Variants in EYS observed in about 807,000 individuals in gnomAD.
EYS encodes EGF-like photoreceptor maintenance factor, also known as protein eyes shut homolog.
Under a neutral mutation model 282.1 loss-of-function variants are expected in EYS, and 250 were observed. The observed-to-expected ratio is 0.89, with a 90% CI of 0.80 to 0.98. The LOEUF (loss-of-function observed/expected upper bound fraction) is 0.98. EYS is among the 50% of genes least tolerant of loss of function. EYS has a pLI of 0.00. For missense variants in EYS, 4,016 were observed against 3,709.0 expected, an observed-to-expected ratio of 1.08 and a Z score of -2.15; for synonymous variants, 1,355 against 1,282.9, an observed-to-expected ratio of 1.06 and a Z score of -1.20.
intron 12 of EYS, among the ~76,000 whole-genome samples, chr6:65,208,977 T>C (rs1386759338): frequency 6.6e-6 from 1 of 151,812 alleles, no homozygotes; most frequent in Non-Finnish European, 1.5e-5. Context: ...TCCTCAAAAA[T>C]AGGACTTAAA....
chr6:64,564,941 A>AT (rs1418077540), intron 26 of EYS, among the ~76,000 whole-genome samples: 3 of 152,120 alleles, frequency 2.0e-5, no homozygotes. Flanking sequence ...TATGTTGAAC[A>AT]TTTTTTATAC....
intron 22 of EYS, among the ~76,000 whole-genome samples, chr6:64,655,184 G>C (rs1353616652): frequency 6.6e-6 from 1 of 152,094 alleles, no homozygotes; most frequent in Non-Finnish European, 1.5e-5. Flanking sequence ...AACATCTTTA[G>C]ACCTGCCAGA....
At chr6:64,998,505 T>A (rs1771352292) in intron 13 of EYS, among the ~76,000 whole-genome samples, 1 of 152,204 alleles carries the variant, frequency 6.6e-6, no homozygotes, top group Non-Finnish European at 1.5e-5. Context: ...TGTATCTAGC[T>A]TCTGGATTTT....
At chr6:64,660,217 G>A (rs1427350603) in intron 22 of EYS, among the ~76,000 whole-genome samples, 1 of 152,116 alleles carries the variant, frequency 6.6e-6, no homozygotes, top group Non-Finnish European at 1.5e-5. Context: ...CAATAAATTA[G>A]GTATTGATGG....
intron 28 of EYS, among the ~76,000 whole-genome samples, chr6:64,423,784 G>C (rs917448092): frequency 2.6e-5 from 4 of 152,100 alleles, no homozygotes; most frequent in Non-Finnish European, 5.9e-5. Context: ...CTCCAGCCTG[G>C]ACGACAGAGC....
intron 41 of EYS, chr6:63,745,133 T>A: frequency 1.2e-5 from 4 of 330,716 alleles, no homozygotes; most frequent in South Asian, 9.5e-5. Flanking sequence ...ATTTGCCAAA[T>A]CTGCTAAATC....
At chr6:64,866,258 A>T (rs2150051355) in intron 19 of EYS, among the ~76,000 whole-genome samples, 1 of 152,038 alleles carries the variant, frequency 6.6e-6, no homozygotes, top group Admixed American at 6.6e-5. Flanking sequence ...TTTAAAGAAA[A>T]TTGCCTCTTT....
chr6:65,382,477 G>C (rs888600195), intron 8 of EYS, among the ~76,000 whole-genome samples: 21 of 150,806 alleles, frequency 1.4e-4, no homozygotes, highest in Non-Finnish European at 2.7e-4. Flanking sequence ...GTGTGTGTGT[G>C]TGTGTGTGTG....
intron 22 of EYS, among the ~76,000 whole-genome samples, chr6:64,719,700 T>C (rs1489272144): frequency 1.3e-5 from 2 of 151,962 alleles, no homozygotes; most frequent in Non-Finnish European, 1.5e-5. Flanking sequence ...AAGTCAGGAG[T>C]TCTCCACCAG....
chr6:64,184,743 T>C (rs1764883887), intron 31 of EYS, among the ~76,000 whole-genome samples: 2 of 152,198 alleles, frequency 1.3e-5, no homozygotes, highest in Admixed American at 1.3e-4. Flanking sequence ...ATTTCACAAA[T>C]CAGTTTTGAA....
Position 64,781,095 on chromosome 6 carries a change from A to G in EYS, c.3443+32283T>C, listed in dbSNP as rs143350214. Among the ~76,000 whole-genome samples, 11 of 152,334 alleles carry G rather than the reference A, an allele frequency of 7.2e-5. No homozygotes were observed. In the East Asian group the frequency reaches 1.7e-3, roughly 24 times the overall value. On this transcript the variant is annotated intron_variant, in intron 22 of 42. Coordinates refer to ENST00000503581, the MANE Select transcript of EYS (RefSeq NM_001142800.2). ...AGAATCCTTGTCTGTCACAGGGACA[A>G]ATTCTTACCAGGAGAGGATAGGAAG... is the stretch of plus-strand genomic sequence containing the variant.
chr6:65,337,515 ATCTATC>A (rs973721641), intron 10 of EYS, among the ~76,000 whole-genome samples: 1 of 151,342 alleles, frequency 6.6e-6, no homozygotes, highest in East Asian at 2.0e-4. Context: ...TTATTTTTCT[ATCTATC>A]TCTAACTCTA....
At chr6:65,203,538 A>T (rs375418624) in intron 12 of EYS, among the ~76,000 whole-genome samples, 1 of 152,194 alleles carries the variant, frequency 6.6e-6, no homozygotes, top group Admixed American at 6.5e-5. Context: ...ACTCTACCTG[A>T]CATGTGCAAC....
chr6:65,074,681 G>C (rs1773995463), intron 12 of EYS, among the ~76,000 whole-genome samples: 1 of 152,020 alleles, frequency 6.6e-6, no homozygotes, highest in Admixed American at 6.6e-5. Context: ...TCAGATCATA[G>C]CAGAGAAATG....
At chr6:63,832,264 C>A (rs545486133) in intron 36 of EYS, among the ~76,000 whole-genome samples, 1 of 152,072 alleles carries the variant, frequency 6.6e-6, no homozygotes, top group Middle Eastern at 3.4e-3. Flanking sequence ...TTCAAAAAAT[C>A]AATGAATCCA....
intron 28 of EYS, among the ~76,000 whole-genome samples, chr6:64,403,262 A>C (rs1261656431): frequency 6.6e-6 from 1 of 152,192 alleles, no homozygotes; most frequent in Admixed American, 6.5e-5. Flanking sequence ...ATTGTGTAAA[A>C]ATATTTAAAA....
At chr6:64,404,145 A>AT (rs2150438282) in intron 28 of EYS, among the ~76,000 whole-genome samples, 1 of 152,290 alleles carries the variant, frequency 6.6e-6, no homozygotes, top group South Asian at 2.1e-4. Flanking sequence ...ATAGTTGGGC[A>AT]TTTTTAGCTC....
At chr6:64,609,287 G>A (rs999211853) in intron 24 of EYS, among the ~76,000 whole-genome samples, 1 of 152,154 alleles carries the variant, frequency 6.6e-6, no homozygotes, top group Non-Finnish European at 1.5e-5. Flanking sequence ...TGAAAAAGAG[G>A]GACATATGCT....
chr6:65,076,247 G>A (rs1302161191), intron 12 of EYS, among the ~76,000 whole-genome samples: 1 of 151,772 alleles, frequency 6.6e-6, no homozygotes, highest in Non-Finnish European at 1.5e-5. Flanking sequence ...TTGTTTTTAG[G>A]GGACTTAAAA....
Sources: gnomAD v4.1 joint callset for allele counts (sites outside exome capture counted in the v4.1 genomes callset) on GRCh38, gnomAD v4.1.1 for gene constraint, MANE v1.5 for transcripts, NCBI Gene and HGNC (gene_info 2026-07-23, HGNC 2026-07-21) for gene names.